Variants in ZNF112 observed in about 807,000 individuals in gnomAD.
The protein encoded by ZNF112 is zinc finger protein 112, also known as zinc finger protein 112 (Y14).
ZNF112 carries 37 observed loss-of-function variants against 77.7 expected under a neutral mutation model. The observed-to-expected ratio is 0.48, with a 90% CI of 0.37 to 0.63. The LOEUF is 0.63. Among genes scored for constraint, ZNF112 ranks in the 20% least tolerant of loss-of-function variants. The probability of loss-of-function intolerance (pLI) is 0.00; values close to 1 mark genes in which losing one functional copy is unlikely to be tolerated. For synonymous variants in ZNF112, 333 were observed against 363.6 expected, an observed-to-expected ratio of 0.92 and a Z score of 0.96; for missense variants, 950 against 1,077.4, an observed-to-expected ratio of 0.88 and a Z score of 1.66.
At chr19:44,338,789 G>A (rs1272978093) in intron 2 of ZNF112, among the ~76,000 whole-genome samples, 5 of 152,168 alleles carry the variant, frequency 3.3e-5, no homozygotes, top group African/African-American at 4.8e-5. Context: ...TAGGCTGGTC[G>A]TGGTGACTCA....
exon 1 of ZNF112, chr19:44,367,165 T>G (rs1970913793): frequency 4.4e-6 from 2 of 455,936 alleles, no homozygotes; most frequent in Non-Finnish European, 8.8e-6. Flanking sequence ...AAACGAAACA[T>G]TGCTGTCTCA....
At chr19:44,355,020 G>A (rs190809178) in intron 1 of ZNF112, among the ~76,000 whole-genome samples, 4 of 151,756 alleles carry the variant, frequency 2.6e-5, no homozygotes, top group Non-Finnish European at 4.4e-5. Context: ...TCAATCAAAC[G>A]ATATTATACT....
At position 44,329,525 on chromosome 19, in the gene ZNF112, G is replaced by A; in HGVS notation, c.632C>T (p.Ser211Leu). Reference protein sequence around the residue: ...FCKCDSVSWLSHHNDKLEVHR... With the variant: ...FCKCDSVSWLLHHNDKLEVHR... ...TACTTCCAGTTTATCATTGTGATGT[G>A]AGAGCCAACTGACACTGTCACACTT... The change falls in exon 4 of 4, where the codon TCA becomes TTA. Residue 211 changes from serine to leucine, a missense_variant. By Grantham distance (145) the Ser-to-Leu change is moderately radical (BLOSUM62 -2). Transcript: ENST00000354340. 6.2e-7 allele frequency: 1 copy of A among 1,614,064 alleles called. No individual in the cohort carries two copies. Among genetic ancestry groups the A allele is most frequent in the Non-Finnish European group, 8.5e-7 (1 of 1,180,008 alleles).
At chr19:44,351,772 A>G (rs1034482780) in intron 1 of ZNF112, among the ~76,000 whole-genome samples, 7 of 152,106 alleles carry the variant, frequency 4.6e-5, no homozygotes, top group Admixed American at 3.3e-4. Context: ...GTAAAAATTA[A>G]ACTCCTGATG....
rs182026667 is a variant in ZNF112, at chr19:44,329,968, G to A, written c.221-32C>T. 9.5e-5 allele frequency: 142 copies of A among 1,501,426 alleles called. 1 individual carries two copies. In the African/African-American group the frequency reaches 1.8e-3, roughly 19 times the overall value. The allele number at this position is 1,501,426 out of a possible 1,614,324, so 93.0% of individuals were successfully genotyped here. A position where few individuals can be genotyped will look rare whatever the true frequency, so the allele number is the denominator to read the frequency against. ...GGATAAAGAGAATTCAGATGTGCAC[G>A]AGTGAATGCTTTATTCAAGAGATTT... is the stretch of plus-strand genomic sequence containing the variant. On this transcript the variant is annotated intron_variant, in intron 3 of 3. Transcript: ENST00000354340.
At chr19:44,356,844 A>C (rs1970796052), upstream of ZNF112, among the ~76,000 whole-genome samples, 2 of 152,324 alleles carry the variant, frequency 1.3e-5, no homozygotes, top group South Asian at 4.2e-4. Flanking sequence ...CCTAGGACGC[A>C]AGTACCGGGT....
chr19:44,340,046 T>C (rs1482475382), intron 2 of ZNF112, among the ~76,000 whole-genome samples: 1 of 152,136 alleles, frequency 6.6e-6, no homozygotes, highest in Non-Finnish European at 1.5e-5. Flanking sequence ...TATATGGGTG[T>C]TCTTGTCCTT....
At chr19:44,345,824 T>A (rs1458068825) in intron 1 of ZNF112, among the ~76,000 whole-genome samples, 1 of 152,178 alleles carries the variant, frequency 6.6e-6, no homozygotes, top group Non-Finnish European at 1.5e-5. Flanking sequence ...GGCCCTTGCA[T>A]GTGCCACCCC....
intron 1 of ZNF112, among the ~76,000 whole-genome samples, 153 bp downstream of exon 1, chr19:44,356,473 T>G (rs1283579421): frequency 1.3e-5 from 2 of 152,134 alleles, no homozygotes; most frequent in Admixed American, 1.3e-4. Flanking sequence ...TGCCCCACAC[T>G]GGAGAAGGCT....
At chr19:44,357,991 A>C (rs1970812566), upstream of ZNF112, among the ~76,000 whole-genome samples, 2 of 152,158 alleles carry the variant, frequency 1.3e-5, no homozygotes, top group Non-Finnish European at 2.9e-5. Context: ...TCTCTACAAA[A>C]AATACAAAAA....
chr19:44,353,446 GA>G (rs1051250213), intron 1 of ZNF112, among the ~76,000 whole-genome samples: 1 of 151,980 alleles, frequency 6.6e-6, no homozygotes, highest in Non-Finnish European at 1.5e-5. Context: ...TTAAGAGAAT[GA>G]AAAGACAAGC....
chr19:44,336,849 C>T (rs1970377945), intron 2 of ZNF112, 131 bp from the exon 3 acceptor site: 1 of 656,922 alleles, frequency 1.5e-6, no homozygotes, highest in Non-Finnish European at 2.7e-6. Context: ...ACCTTCCACT[C>T]ACTATAAGAA....
intron 1 of ZNF112, among the ~76,000 whole-genome samples, chr19:44,342,170 AACAC>A (rs1190644411): frequency 6.6e-6 from 1 of 152,214 alleles, no homozygotes; most frequent in Non-Finnish European, 1.5e-5. Context: ...TGAATAATGA[AACAC>A]ACACAGACAT....
chr19:44,332,234 C>T (rs1028450901), intron 3 of ZNF112, among the ~76,000 whole-genome samples: 2 of 152,106 alleles, frequency 1.3e-5, no homozygotes, highest in African/African-American at 4.8e-5. Context: ...TGAACAAAAT[C>T]TTACCCGTAA....
chr19:44,329,948 A>C lies in ZNF112; in HGVS notation c.221-12T>G. The C allele has an allele frequency of 6.3e-7, 1 of 1,593,874 alleles. No homozygotes were observed. The highest frequency in any genetic ancestry group is 8.6e-7 in the Non-Finnish European group (1 of 1,167,656). On this transcript the variant is annotated splice_polypyrimidine_tract_variant and intron_variant, in intron 3 of 3. Coordinates refer to ENST00000354340, the MANE Select transcript of ZNF112 (RefSeq NM_013380.4). ...TTGATTCTTCCTTCCTATAAGGATA[A>C]AGAGAATTCAGATGTGCACGAGTGA...
rs754794699 is a variant in ZNF112 at position 44,327,805 on chromosome 19, T to A, written c.2352A>T (p.Ser784=). The A allele has an allele frequency of 2.5e-6, 4 of 1,613,870 alleles. No homozygotes were observed. In the South Asian group the frequency reaches 4.4e-5, roughly 18 times the overall value. Residue 784 remains serine, a synonymous_variant, in exon 4 of 4, where the codon TCA becomes TCT. Transcript: ENST00000354340. ...EVCTKGFSES[S]RLQAHQRVHV... ...GAACCCTTTGGTGTGCTTGAAGGCG[T>A]GAACTCTCACTGAAACCCTTTGTAC... is the stretch of plus-strand genomic sequence containing the variant.
chr19:44,358,631 C>G (rs1351834158), upstream of ZNF112, among the ~76,000 whole-genome samples: 1 of 152,162 alleles, frequency 6.6e-6, no homozygotes, highest in Non-Finnish European at 1.5e-5. Context: ...AAATTCGCAT[C>G]TTTTCAAGTG....
At chr19:44,353,892 A>G (rs892552913) in intron 1 of ZNF112, among the ~76,000 whole-genome samples, 1 of 69,992 alleles carries the variant, frequency 1.4e-5, no homozygotes. Flanking sequence ...CCCTACAGAA[A>G]TAAGCACAAA....
intron 3 of ZNF112, 70 bp from the exon 4 acceptor site, chr19:44,330,006 C>A: frequency 8.1e-7 from 1 of 1,239,066 alleles, no homozygotes; most frequent in Non-Finnish European, 1.1e-6. Flanking sequence ...AGATTTTACA[C>A]TTAGGTCATA....
Sources: allele counts gnomAD v4.1 joint callset (sites outside exome capture counted in the v4.1 genomes callset), GRCh38; gene constraint gnomAD v4.1.1; transcripts MANE v1.5; gene names NCBI Gene and HGNC (gene_info 2026-07-23, HGNC 2026-07-21).